CYP39A1: variants seen among roughly 807,000 people sequenced by gnomAD.
CYP39A1 encodes the protein cytochrome P450 family 39 subfamily A member 1.
In CYP39A1, 49 loss-of-function variants were observed where a neutral mutation model predicts 58.1. The observed-to-expected ratio is 0.84, with a 90% CI of 0.67 to 1.07. The LOEUF (loss-of-function observed/expected upper bound fraction) is 1.07, where lower values mean the gene tolerates loss of function less well. Ranked by LOEUF, CYP39A1 falls within the 50% of genes least tolerant of loss-of-function variation. The probability of loss-of-function intolerance (pLI) is 0.00; values close to 1 mark genes in which losing one functional copy is unlikely to be tolerated. For synonymous variants in CYP39A1, 209 were observed against 187.6 expected (o/e 1.11, Z -0.93); for missense variants, 531 against 539.4 (o/e 0.98, Z 0.16).
intron 1 of CYP39A1, among the ~76,000 whole-genome samples, chr6:46,643,654 C>T (rs1275231579): frequency 6.6e-6 from 1 of 152,222 alleles, no homozygotes; most frequent in African/African-American, 2.4e-5. Flanking sequence ...AGACTAACCA[C>T]ATTCAAATAC....
intron 2 of CYP39A1, among the ~76,000 whole-genome samples, chr6:46,640,561 A>G (rs539546544): frequency 3.3e-5 from 5 of 152,118 alleles, no homozygotes; most frequent in African/African-American, 1.2e-4. Flanking sequence ...ATTTCTTTAT[A>G]TTTTTATTTT....
chr6:46,571,924 G>A (rs1053691968), intron 10 of CYP39A1, among the ~76,000 whole-genome samples: 6 of 151,874 alleles, frequency 4.0e-5, no homozygotes, highest in Non-Finnish European at 8.8e-5. Context: ...GTCACTATGA[G>A]TCTTACAGAA....
chr6:46,645,540 T>C (rs1455045507), intron 1 of CYP39A1, among the ~76,000 whole-genome samples: 1 of 152,214 alleles, frequency 6.6e-6, no homozygotes, highest in African/African-American at 2.4e-5. Context: ...AATCTTTGTG[T>C]CTATCCTTCT....
intron 2 of CYP39A1, among the ~76,000 whole-genome samples, chr6:46,640,932 T>C (rs1400732717): frequency 1.3e-5 from 2 of 152,096 alleles, no homozygotes; most frequent in Admixed American, 1.3e-4. Context: ...TTCCTGAGCA[T>C]ACATCTTCTC....
At chr6:46,644,874 A>C (rs908789874) in intron 1 of CYP39A1, among the ~76,000 whole-genome samples, 1 of 152,164 alleles carries the variant, frequency 6.6e-6, no homozygotes, top group Admixed American at 6.5e-5. Flanking sequence ...TTTAATTTGC[A>C]TATCTCTAAT....
At chr6:46,607,531 C>T (rs6922580) in intron 7 of CYP39A1, among the ~76,000 whole-genome samples, 10,694 of 151,400 alleles carry the variant, frequency 0.071, 861 homozygotes, top group African/African-American at 0.2. Context: ...AATAAATATA[C>T]ATATAATTGT....
intron 10 of CYP39A1, among the ~76,000 whole-genome samples, chr6:46,558,216 C>G (rs1158697204): frequency 6.6e-6 from 1 of 151,998 alleles, no homozygotes; most frequent in African/African-American, 2.4e-5. Flanking sequence ...CATCTGTTCT[C>G]ACACTGTGAA....
chr6:46,605,635 G>GA (rs1410250666), intron 7 of CYP39A1, among the ~76,000 whole-genome samples: 1 of 152,034 alleles, frequency 6.6e-6, no homozygotes, highest in African/African-American at 2.4e-5. Flanking sequence ...GAGAAGGCTA[G>GA]AAAAAACACA....
chr6:46,585,864 T>A (rs1262843421), intron 10 of CYP39A1, among the ~76,000 whole-genome samples: 1 of 152,148 alleles, frequency 6.6e-6, no homozygotes, highest in Non-Finnish European at 1.5e-5. Context: ...CTTATTCCTC[T>A]TGAACTTGCT....
intron 7 of CYP39A1, among the ~76,000 whole-genome samples, chr6:46,611,088 C>G (rs1307977096): frequency 3.3e-5 from 5 of 152,222 alleles, no homozygotes; most frequent in Non-Finnish European, 5.9e-5. Context: ...GCCTGGCAAA[C>G]CACACATGTT....
chr6:46,605,526 T>C (rs1406555376), intron 7 of CYP39A1, among the ~76,000 whole-genome samples: 1 of 152,164 alleles, frequency 6.6e-6, no homozygotes, highest in Non-Finnish European at 1.5e-5. Flanking sequence ...AGCTGGAGGA[T>C]GTCCAGTGAG....
intron 10 of CYP39A1, among the ~76,000 whole-genome samples, chr6:46,563,607 G>A (rs1771098014): frequency 6.6e-6 from 1 of 151,984 alleles, no homozygotes; most frequent in South Asian, 2.1e-4. Context: ...ATAGATGAAG[G>A]TAGAAACAAG....
At chr6:46,605,004 T>TA (rs768355971) in intron 7 of CYP39A1, among the ~76,000 whole-genome samples, 1,400 of 138,056 alleles carry the variant, frequency 0.01, 10 homozygotes, top group African/African-American at 0.03. Context: ...CTGATGAGCT[T>TA]AAAAAAAAAA....
At chr6:46,608,948 C>A (rs114894230) in intron 7 of CYP39A1, among the ~76,000 whole-genome samples, 1 of 151,734 alleles carries the variant, frequency 6.6e-6, no homozygotes, top group East Asian at 1.9e-4. Context: ...TTATAGATAG[C>A]GAGAATGGGC....
intron 1 of CYP39A1, among the ~76,000 whole-genome samples, chr6:46,645,795 C>A (rs576609912): frequency 6.6e-6 from 1 of 152,218 alleles, no homozygotes; most frequent in East Asian, 1.9e-4. Flanking sequence ...CAATCAGGAA[C>A]ACAGTATGTT....
At chr6:46,560,281 C>T (rs961472893) in intron 10 of CYP39A1, among the ~76,000 whole-genome samples, 5 of 151,750 alleles carry the variant, frequency 3.3e-5, no homozygotes, top group East Asian at 1.9e-4. Context: ...TGAATGGAAG[C>T]GAAAAGAGTG....
At chr6:46,594,097 C>A (rs1158471148) in intron 8 of CYP39A1, among the ~76,000 whole-genome samples, 4 of 151,904 alleles carry the variant, frequency 2.6e-5, no homozygotes, top group Non-Finnish European at 5.9e-5. Flanking sequence ...AATTCACCTG[C>A]CTGATTTAAA....
chr6:46,641,746 T>C (rs1445699917), intron 2 of CYP39A1, among the ~76,000 whole-genome samples: 1 of 152,200 alleles, frequency 6.6e-6, no homozygotes, highest in East Asian at 1.9e-4. Context: ...GAAATGCCAC[T>C]GTAAAGGATT....
intron 5 of CYP39A1, 51 bp downstream of exon 5, chr6:46,636,338 A>G (rs746640706): frequency 7.4e-6 from 10 of 1,355,984 alleles, no homozygotes; most frequent in African/African-American, 2.9e-5. Context: ...TTTAACAACA[A>G]TAATTTATTA....
Sources: allele counts gnomAD v4.1 joint callset (sites outside exome capture counted in the v4.1 genomes callset), GRCh38; gene constraint gnomAD v4.1.1; transcripts MANE v1.5; gene names NCBI Gene and HGNC (gene_info 2026-07-23, HGNC 2026-07-21).